Variants in FAM135A observed in about 807,000 individuals in gnomAD.
FAM135A encodes the protein family with sequence similarity 135 member A.
FAM135A carries 79 observed loss-of-function variants against 146.8 expected under a neutral mutation model. That is an observed-to-expected ratio of 0.54 (90% confidence interval 0.45 to 0.65). The LOEUF (loss-of-function observed/expected upper bound fraction) is 0.65, where lower values mean the gene tolerates loss of function less well. Ranked by LOEUF, FAM135A falls within the 30% of genes least tolerant of loss-of-function variation. The probability of loss-of-function intolerance (pLI) is 0.00; values close to 1 mark genes in which losing one functional copy is unlikely to be tolerated. For missense variants in FAM135A, 1,623 were observed against 1,758.2 expected (o/e 0.92, Z 1.38); for synonymous variants, 562 against 603.6 (o/e 0.93, Z 1.01).
intron 5 of FAM135A, among the ~76,000 whole-genome samples, chr6:70,461,916 A>C (rs1779519962): frequency 6.6e-6 from 1 of 152,190 alleles, no homozygotes; most frequent in South Asian, 2.1e-4. Context: ...TGTAAAAATT[A>C]AGTTAGAAAA....
intron 12 of FAM135A, among the ~76,000 whole-genome samples, chr6:70,506,151 A>C (rs1561933616): frequency 6.6e-6 from 1 of 152,188 alleles, no homozygotes; most frequent in Non-Finnish European, 1.5e-5. Context: ...GCCAGTTTTC[A>C]GGGTAAATTA....
intron 16 of FAM135A, among the ~76,000 whole-genome samples, chr6:70,530,461 T>C (rs1795592453): frequency 6.6e-6 from 1 of 152,154 alleles, no homozygotes; most frequent in Non-Finnish European, 1.5e-5. Context: ...AAGATAAATA[T>C]CAGGTAAAAT....
intron 4 of FAM135A, among the ~76,000 whole-genome samples, chr6:70,450,893 C>A (rs1020469052): frequency 6.6e-6 from 1 of 151,448 alleles, no homozygotes; most frequent in African/African-American, 2.4e-5. Flanking sequence ...AGACACATGC[C>A]ACCACGCCTG....
chr6:70,507,450 A>G (rs1043973378), intron 12 of FAM135A, among the ~76,000 whole-genome samples: 1 of 152,178 alleles, frequency 6.6e-6, no homozygotes, highest in Non-Finnish European at 1.5e-5. Flanking sequence ...ACGAATTCAG[A>G]AGCAGCACAA....
At chr6:70,477,957 A>G (rs1244110110) in intron 8 of FAM135A, among the ~76,000 whole-genome samples, 2 of 152,128 alleles carry the variant, frequency 1.3e-5, no homozygotes, top group Non-Finnish European at 2.9e-5. Context: ...TAACCACACA[A>G]CATTGTTTAT....
chr6:70,510,769 T>G (rs1041769052), intron 12 of FAM135A, among the ~76,000 whole-genome samples: 1 of 152,062 alleles, frequency 6.6e-6, no homozygotes, highest in Non-Finnish European at 1.5e-5. Context: ...TTTTAGTTAT[T>G]TGGGGTATAT....
At chr6:70,506,980 A>G (rs907645609) in intron 12 of FAM135A, among the ~76,000 whole-genome samples, 2 of 152,052 alleles carry the variant, frequency 1.3e-5, no homozygotes, top group Non-Finnish European at 2.9e-5. Flanking sequence ...TAAACTTAAA[A>G]GAGCAGCTGG....
intron 20 of FAM135A, among the ~76,000 whole-genome samples, chr6:70,546,460 G>A (rs1798886915): frequency 6.6e-6 from 1 of 152,072 alleles, no homozygotes; most frequent in Non-Finnish European, 1.5e-5. Context: ...AGCCTCTTCT[G>A]TGGGTCTTCC....
chr6:70,479,261 C>A (rs1278535058), intron 8 of FAM135A, among the ~76,000 whole-genome samples: 3 of 152,124 alleles, frequency 2.0e-5, no homozygotes, highest in African/African-American at 7.2e-5. Context: ...GAGTTAAATA[C>A]GTGCTTCCTC....
intron 12 of FAM135A, among the ~76,000 whole-genome samples, chr6:70,509,001 CAT>C (rs926997511): frequency 2.9e-4 from 44 of 152,262 alleles, no homozygotes; most frequent in African/African-American, 9.1e-4. Context: ...CTTTTGGAAA[CAT>C]ATGGCTTTAC....
At chr6:70,468,682 C>T (rs907293757) in intron 5 of FAM135A, among the ~76,000 whole-genome samples, 26 of 152,174 alleles carry the variant, frequency 1.7e-4, no homozygotes, top group African/African-American at 6.3e-4. Context: ...TTTTACAGTT[C>T]TTGAAATGAC....
chr6:70,432,111 G>A (rs188072746), intron 4 of FAM135A, among the ~76,000 whole-genome samples: 1 of 152,030 alleles, frequency 6.6e-6, no homozygotes, highest in East Asian at 1.9e-4. Context: ...CTATAAATGT[G>A]TTCTAAAGAA....
At chr6:70,509,980 C>G (rs1790627441) in intron 12 of FAM135A, among the ~76,000 whole-genome samples, 1 of 152,192 alleles carries the variant, frequency 6.6e-6, no homozygotes, top group East Asian at 1.9e-4. Flanking sequence ...AAAAGAAATA[C>G]AATCTCAAAC....
At chr6:70,542,094 G>T (rs756319162) in intron 20 of FAM135A, among the ~76,000 whole-genome samples, 37 of 152,076 alleles carry the variant, frequency 2.4e-4, no homozygotes, top group Admixed American at 6.6e-4. Context: ...TGAAGCCATA[G>T]ATTATATTGG....
intron 10 of FAM135A, among the ~76,000 whole-genome samples, chr6:70,485,622 G>A (rs949728330): frequency 2.0e-5 from 3 of 152,114 alleles, no homozygotes. Context: ...TTTCAAATAA[G>A]CATATATTTA....
At chr6:70,552,147 T>C (rs1162750763) in intron 20 of FAM135A, among the ~76,000 whole-genome samples, 1 of 152,210 alleles carries the variant, frequency 6.6e-6, no homozygotes, top group East Asian at 1.9e-4. Flanking sequence ...TGTACAATCT[T>C]CTGGAGTTGT....
At chr6:70,540,141 A>G (rs1196722104) in intron 20 of FAM135A, among the ~76,000 whole-genome samples, 3 of 152,110 alleles carry the variant, frequency 2.0e-5, no homozygotes, top group African/African-American at 7.2e-5. Flanking sequence ...ATGCATCACC[A>G]TGCCTTTCTC....
At chr6:70,487,403 A>C (rs80138927) in intron 10 of FAM135A, among the ~76,000 whole-genome samples, 26,836 of 151,962 alleles carry the variant, frequency 0.18, 2,461 homozygotes, top group Middle Eastern at 0.22. Flanking sequence ...AACCATCACA[A>C]TTTTTTAAAA....
At chr6:70,459,892 G>A (rs887352063) in intron 5 of FAM135A, among the ~76,000 whole-genome samples, 60 of 152,200 alleles carry the variant, frequency 3.9e-4, no homozygotes, top group Non-Finnish European at 3.8e-4. Flanking sequence ...TTAGCCAGGC[G>A]TGGTGGCGGG....
Sources: gnomAD v4.1 joint callset for allele counts (sites outside exome capture counted in the v4.1 genomes callset) on GRCh38, gnomAD v4.1.1 for gene constraint, MANE v1.5 for transcripts, NCBI Gene and HGNC (gene_info 2026-07-23, HGNC 2026-07-21) for gene names.